Variants in UBE2L6 observed in about 807,000 individuals in gnomAD.
UBE2L6 encodes the protein ubiquitin/ISG15-conjugating enzyme E2 L6.
In UBE2L6, 11 loss-of-function variants were observed where a neutral mutation model predicts 13.6. The ratio of observed to expected loss-of-function variants is 0.81; its 90% CI spans 0.51 to 1.34. The LOEUF is 1.34. UBE2L6 is among the 40% of genes most tolerant of loss of function. The pLI, the probability that UBE2L6 is intolerant of heterozygous loss-of-function variation, is 0.00. For synonymous variants in UBE2L6, 74 were observed against 83.2 expected, an observed-to-expected ratio of 0.89 and a Z score of 0.60; for missense variants, 197 against 199.5, an observed-to-expected ratio of 0.99 and a Z score of 0.07.
At chr11:57,556,461 G>A (rs943649566) in intron 2 of UBE2L6, among the ~76,000 whole-genome samples, 38 of 152,000 alleles carry the variant, frequency 2.5e-4, no homozygotes, top group Admixed American at 2.4e-3. Context: ...GTGCATGCCT[G>A]TAATATCCGC....
intron 2 of UBE2L6, among the ~76,000 whole-genome samples, chr11:57,558,511 T>TG (rs1285255756): frequency 6.6e-6 from 1 of 152,206 alleles, no homozygotes; most frequent in Non-Finnish European, 1.5e-5. Context: ...TTAACCTCCT[T>TG]GGTTTCCATC....
At chr11:57,565,287 A>G (rs925413769) in intron 1 of UBE2L6, among the ~76,000 whole-genome samples, 1 of 151,952 alleles carries the variant, frequency 6.6e-6, no homozygotes, top group Non-Finnish European at 1.5e-5. Context: ...AGAAAGAAGG[A>G]AAGAAATAGA....
intron 1 of UBE2L6, among the ~76,000 whole-genome samples, chr11:57,562,864 C>T (rs1353772611): frequency 6.6e-6 from 1 of 152,028 alleles, no homozygotes; most frequent in Non-Finnish European, 1.5e-5. Flanking sequence ...GAAAGCCTTC[C>T]CAAGAAGGAT....
At chr11:57,563,352 T>C (rs1413147697) in intron 1 of UBE2L6, among the ~76,000 whole-genome samples, 2 of 150,708 alleles carry the variant, frequency 1.3e-5, no homozygotes, top group Non-Finnish European at 1.5e-5. Context: ...TAGCTGGGCA[T>C]GGTGGTGCAG....
At chr11:57,562,067 G>A (rs914629558) in intron 1 of UBE2L6, among the ~76,000 whole-genome samples, 1 of 152,206 alleles carries the variant, frequency 6.6e-6, no homozygotes, top group African/African-American at 2.4e-5. Context: ...AGAATTATCT[G>A]GCCGAACAAG....
At chr11:57,563,494 A>AAAG (rs1246345040) in intron 1 of UBE2L6, among the ~76,000 whole-genome samples, 2 of 150,564 alleles carry the variant, frequency 1.3e-5, no homozygotes, top group Non-Finnish European at 1.5e-5. Context: ...AAAAAAAAAA[A>AAAG]AAAGAAAGAA....
intron 1 of UBE2L6, 26 bp from the exon 2 acceptor site, chr11:57,560,458 A>T (rs1037385892): frequency 6.4e-7 from 1 of 1,551,190 alleles, no homozygotes; most frequent in Non-Finnish European, 8.9e-7. Flanking sequence ...GTGAGTGGGC[A>T]GTTGGCCTAG....
chr11:57,553,221 C>T (rs770525258), intron 3 of UBE2L6, among the ~76,000 whole-genome samples: 11 of 152,244 alleles, frequency 7.2e-5, no homozygotes, highest in East Asian at 1.9e-4. Context: ...AGGCTGGGCA[C>T]GGTGGCTCAC....
chr11:57,556,889 C>G (rs1373430341), intron 2 of UBE2L6, among the ~76,000 whole-genome samples: 1 of 151,952 alleles, frequency 6.6e-6, no homozygotes, highest in Non-Finnish European at 1.5e-5. Flanking sequence ...AGTTTGAGAT[C>G]AGCCTGGGCA....
chr11:57,563,580 T>A (rs1190369246), intron 1 of UBE2L6, among the ~76,000 whole-genome samples: 1 of 146,494 alleles, frequency 6.8e-6, no homozygotes, highest in East Asian at 2.0e-4. Flanking sequence ...AGAACTAGAG[T>A]GTTTAAAGAC....
intron 1 of UBE2L6, among the ~76,000 whole-genome samples, chr11:57,564,020 G>A (rs1945067214): frequency 6.6e-6 from 1 of 152,216 alleles, no homozygotes; most frequent in Non-Finnish European, 1.5e-5. Flanking sequence ...AGAGAGACAG[G>A]GCTAGAAAGT....
chr11:57,557,387 C>T (rs1945006350), intron 2 of UBE2L6, among the ~76,000 whole-genome samples: 1 of 146,062 alleles, frequency 6.8e-6, no homozygotes, highest in African/African-American at 2.5e-5. Flanking sequence ...GATGCTGGTG[C>T]CATGCTTCTT....
intron 1 of UBE2L6, 150 bp downstream of exon 1, chr11:57,567,435 G>A (rs893718695): frequency 8.7e-7 from 1 of 1,147,268 alleles, no homozygotes; most frequent in African/African-American, 1.5e-5. Flanking sequence ...CCTCCTCTGA[G>A]TAGAGGGCGG....
chr11:57,566,983 T>C (rs1460199948), intron 1 of UBE2L6: 2 of 411,612 alleles, frequency 4.9e-6, no homozygotes, highest in South Asian at 1.6e-5. Flanking sequence ...CCAGCACATG[T>C]AGGCATTCAA....
At chr11:57,557,035 T>C (rs1329811094) in intron 2 of UBE2L6, among the ~76,000 whole-genome samples, 1 of 151,162 alleles carries the variant, frequency 6.6e-6, no homozygotes, top group South Asian at 2.1e-4. Flanking sequence ...GCAGTGAGTC[T>C]TGCTCTGCAC....
rs1349555606 is a variant in UBE2L6 at position 57,563,203 on chromosome 11, A to G, written c.28-2771T>C. On this transcript the variant is annotated intron_variant, in intron 1 of 3. Transcript: ENST00000287156. The stretch of plus-strand genomic sequence containing the variant: ...AGAAATTCCGGAGTCGAAAAATGCA[A>G]TTGAGGCCGGGTGCAGTGGCTCATG... Among the ~76,000 whole-genome samples the G allele has an allele frequency of 2.6e-5, 4 of 152,108 alleles. No individual in the cohort carries two copies. The East Asian group carries it at 5.8e-4, about 22-fold the overall frequency.
At chr11:57,562,482 T>A (rs554894010) in intron 1 of UBE2L6, among the ~76,000 whole-genome samples, 1 of 152,236 alleles carries the variant, frequency 6.6e-6, no homozygotes, top group Non-Finnish European at 1.5e-5. Flanking sequence ...TGAGCGAACG[T>A]AGGGCATAGC....
chr11:57,566,589 T>C (rs1945094242), intron 1 of UBE2L6, among the ~76,000 whole-genome samples: 1 of 152,232 alleles, frequency 6.6e-6, no homozygotes, highest in Admixed American at 6.5e-5. Flanking sequence ...TCCACTTGGC[T>C]GGAAAGACCC....
intron 1 of UBE2L6, among the ~76,000 whole-genome samples, chr11:57,561,719 A>C (rs1039080167): frequency 6.6e-6 from 1 of 152,148 alleles, no homozygotes; most frequent in Non-Finnish European, 1.5e-5. Flanking sequence ...TTCACTGGAG[A>C]ACTTCCCACA....
Sources: gnomAD v4.1 joint callset for allele counts (sites outside exome capture counted in the v4.1 genomes callset) on GRCh38, gnomAD v4.1.1 for gene constraint, MANE v1.5 for transcripts, NCBI Gene and HGNC (gene_info 2026-07-23, HGNC 2026-07-21) for gene names.